The following TTC23L variants were observed in gnomAD, a reference collection of about 807,000 sequenced individuals.
TTC23L encodes the protein tetratricopeptide repeat protein 23-like.
TTC23L carries 42 observed loss-of-function variants against 48.1 expected under a neutral mutation model. The observed-to-expected ratio is 0.87, with a 90% CI of 0.68 to 1.13. The LOEUF (loss-of-function observed/expected upper bound fraction) is 1.13, where lower values mean the gene tolerates loss of function less well. TTC23L is among the 50% of genes most tolerant of loss of function. The probability of loss-of-function intolerance (pLI) is 0.00; values close to 1 mark genes in which losing one functional copy is unlikely to be tolerated. For missense variants in TTC23L, 391 were observed against 421.0 expected (o/e 0.93, Z 0.62); for synonymous variants, 159 against 157.2 (o/e 1.01, Z -0.09).
At chr5:34,899,820 T>A (rs1484110544), downstream of TTC23L, among the ~76,000 whole-genome samples, 1 of 152,002 alleles carries the variant, frequency 6.6e-6, no homozygotes, top group Non-Finnish European at 1.5e-5. Context: ...TGAACCGGGG[T>A]CGGAGGTTGC....
intron 1 of TTC23L, 89 bp from the exon 2 acceptor site, chr5:34,840,576 A>T: frequency 9.2e-7 from 1 of 1,086,710 alleles, no homozygotes; most frequent in Non-Finnish European, 1.4e-6. Flanking sequence ...GAGCAGTTTT[A>T]GTTTAATGTT....
chr5:34,864,527 A>G (rs373076218), exon 6 of TTC23L: 452 of 1,613,750 alleles, frequency 2.8e-4, no homozygotes, highest in Non-Finnish European at 3.5e-4. Context: ...GTGAATTACA[A>G]GTCTCTGAGA....
chr5:34,868,136 CAG>C lies in TTC23L; in HGVS notation c.841-766_841-765del, dbSNP rs1160701902. 3.3e-5 allele frequency: 5 copies of C among 152,192 alleles called. No individual in the cohort carries two copies. In the East Asian group the frequency reaches 9.6e-4, roughly 29 times the overall value. The allele number at this position is 152,192 out of a possible 1,614,324, so 9.4% of individuals were successfully genotyped here. On this transcript the variant is annotated intron_variant, in intron 7 of 10. Transcript: ENST00000505624. ...TTTTAAGGATGAGAAAACTGACGCA[CAG>C]AGTTATAGCTAACTCAGCTGACATT...
At chr5:34,922,518 A>C in the TTC23L span, 2 of 1,551,346 alleles carry the variant, frequency 1.3e-6, no homozygotes, top group Non-Finnish European at 1.8e-6. Flanking sequence ...TAGTTGAAAA[A>C]GCTTACTCCA....
intron 10 of TTC23L, among the ~76,000 whole-genome samples, chr5:34,898,073 T>C (rs1763340944): frequency 1.3e-5 from 2 of 152,334 alleles, no homozygotes; most frequent in South Asian, 4.1e-4. Context: ...ATAGTACCTA[T>C]CTCAGTGTTG....
chr5:34,866,406 G>T (rs147296138), intron 6 of TTC23L, among the ~76,000 whole-genome samples: 5 of 152,076 alleles, frequency 3.3e-5, no homozygotes, highest in African/African-American at 1.2e-4. Context: ...TTTATTGTAT[G>T]ATATGCTATA....
At chr5:34,874,596 G>T (rs1172357295) in intron 8 of TTC23L, among the ~76,000 whole-genome samples, 1 of 152,070 alleles carries the variant, frequency 6.6e-6, no homozygotes, top group East Asian at 1.9e-4. Flanking sequence ...AGTGGCTCAT[G>T]CCTGTAACTC....
the TTC23L span, among the ~76,000 whole-genome samples, chr5:34,912,175 C>A: frequency 2.0e-5 from 3 of 152,212 alleles, no homozygotes; most frequent in African/African-American, 7.2e-5. Flanking sequence ...GTATGCTATT[C>A]CTTGAAGGTT....
At chr5:34,862,854 T>C in intron 4 of TTC23L, 44 bp from the exon 5 acceptor site, 1 of 1,609,468 alleles carries the variant, frequency 6.2e-7, no homozygotes, top group East Asian at 2.2e-5. Context: ...AAGCATGCCT[T>C]TTTAATGTCT....
the TTC23L span, chr5:34,925,638 G>C: frequency 4.0e-5 from 26 of 647,808 alleles, no homozygotes; most frequent in Non-Finnish European, 5.8e-5. Context: ...TAAAATCAGT[G>C]ATTATCTTTT....
chr5:34,855,864 C>CA (rs1760088866), intron 4 of TTC23L, among the ~76,000 whole-genome samples: 1 of 151,950 alleles, frequency 6.6e-6, no homozygotes, highest in Non-Finnish European at 1.5e-5. Flanking sequence ...AAGAATGAAA[C>CA]AAAAAAAGTT....
chr5:34,852,092 C>A (rs781538800), intron 4 of TTC23L, among the ~76,000 whole-genome samples: 47 of 152,112 alleles, frequency 3.1e-4, no homozygotes, highest in Non-Finnish European at 2.6e-4. Flanking sequence ...TCTACGTTGC[C>A]CAGGCCGATC....
chr5:34,911,679 G>C, the TTC23L span: 7 of 1,614,144 alleles, frequency 4.3e-6, no homozygotes, highest in Non-Finnish European at 5.9e-6. Flanking sequence ...TGGTGCTGCA[G>C]AAATCAAAGT....
chr5:34,860,144 G>C (rs1208799963), intron 4 of TTC23L, among the ~76,000 whole-genome samples: 1 of 151,950 alleles, frequency 6.6e-6, no homozygotes, highest in Non-Finnish European at 1.5e-5. Context: ...ACTGTGCCCG[G>C]GCTGCTTATA....
downstream of TTC23L, among the ~76,000 whole-genome samples, chr5:34,901,762 C>T (rs1218308433): frequency 7.9e-6 from 1 of 126,368 alleles, no homozygotes; most frequent in Non-Finnish European, 1.6e-5. Context: ...AACTCCATCT[C>T]AAAAACAAAA....
At chr5:34,881,734 T>C (rs1762235825) in intron 9 of TTC23L, among the ~76,000 whole-genome samples, 1 of 151,992 alleles carries the variant, frequency 6.6e-6, no homozygotes, top group South Asian at 2.1e-4. Flanking sequence ...CTTTTTTCTG[T>C]GGCCATGATA....
Position 34,863,528 on chromosome 5 carries a change from T to C in TTC23L, c.536+474T>C, listed in dbSNP as rs1760830931. 6.6e-6 allele frequency among the ~76,000 whole-genome samples: 1 copy of C among 152,188 alleles called. No individual in the cohort carries two copies. Among genetic ancestry groups the C allele is most frequent in the African/African-American group, 2.4e-5 (1 of 41,446 alleles). ...AGATTTTGACTGAGAGGCTCTGAGG[T>C]ACATCTGTTCATTGAAATTTTTAAA... On this transcript the variant is annotated intron_variant, in intron 5 of 10. Transcript: ENST00000505624. The surrounding 1 kb of genome is among the most constrained non-coding windows in gnomAD (Gnocchi z 4.1).
chr5:34,879,865 G>T (rs533596289), intron 8 of TTC23L, among the ~76,000 whole-genome samples: 21 of 152,046 alleles, frequency 1.4e-4, no homozygotes, highest in African/African-American at 5.1e-4. Flanking sequence ...GCATGGTGGC[G>T]CACACGTGTA....
chr5:34,850,395 A>T, intron 4 of TTC23L, 87 bp downstream of exon 4: 1 of 1,545,700 alleles, frequency 6.5e-7, no homozygotes, highest in South Asian at 1.2e-5. Context: ...GGGCATGACT[A>T]GGAGGGCCCC....
Sources: allele counts gnomAD v4.1 joint callset (sites outside exome capture counted in the v4.1 genomes callset), GRCh38; gene constraint gnomAD v4.1.1; non-coding constraint Gnocchi (gnomAD v3.1); transcripts MANE v1.5; gene names NCBI Gene and HGNC (gene_info 2026-07-23, HGNC 2026-07-21).